Variants in PRIM2 observed in about 807,000 individuals in gnomAD.
PRIM2 encodes the protein DNA primase subunit 2.
PRIM2 carries 39 observed loss-of-function variants against 67.3 expected under a neutral mutation model. That is an observed-to-expected ratio of 0.58 (90% CI 0.45 to 0.76). The LOEUF (loss-of-function observed/expected upper bound fraction) is 0.76, where lower values mean the gene tolerates loss of function less well. Ranked by LOEUF, PRIM2 falls within the 30% of genes least tolerant of loss-of-function variation. PRIM2 has a pLI of 0.00. For synonymous variants in PRIM2, 143 were observed against 198.7 expected, an observed-to-expected ratio of 0.72 and a Z score of 2.36; for missense variants, 398 against 598.7, an observed-to-expected ratio of 0.66 and a Z score of 3.50.
At chr6:57,243,064 C>T in the PRIM2 span, among the ~76,000 whole-genome samples, 2 of 152,198 alleles carry the variant, frequency 1.3e-5, no homozygotes, top group South Asian at 2.1e-4. Flanking sequence ...TTAGAAGGTT[C>T]CTAATGTTCA....
the PRIM2 span, among the ~76,000 whole-genome samples, chr6:57,235,062 G>T: frequency 6.6e-6 from 1 of 151,600 alleles, no homozygotes; most frequent in Non-Finnish European, 1.5e-5. Context: ...GAGGTGGGAG[G>T]GTCACTTAAG....
At chr6:57,437,147 G>A (rs1772036890) in intron 7 of PRIM2, among the ~76,000 whole-genome samples, 1 of 152,136 alleles carries the variant, frequency 6.6e-6, no homozygotes, top group Non-Finnish European at 1.5e-5. Context: ...AAGGAGAGGG[G>A]CAGGCACTGG....
chr6:57,635,014 A>G (rs1777095538), intron 13 of PRIM2, among the ~76,000 whole-genome samples: 1 of 152,172 alleles, frequency 6.6e-6, no homozygotes, highest in Non-Finnish European at 1.5e-5. Flanking sequence ...TTTTACTGTC[A>G]GGTTTCTGCC....
At chr6:57,436,447 A>G (rs2127382291) in intron 7 of PRIM2, among the ~76,000 whole-genome samples, 1 of 152,320 alleles carries the variant, frequency 6.6e-6, no homozygotes, top group South Asian at 2.1e-4. Context: ...TGTCTTCAGA[A>G]AATGTGATTT....
the PRIM2 span, among the ~76,000 whole-genome samples, chr6:57,270,642 C>T: frequency 1.3e-4 from 20 of 152,172 alleles, no homozygotes; most frequent in Middle Eastern, 3.4e-3. Context: ...CTGATTGCCC[C>T]GGCCAGAACT....
At chr6:57,409,331 G>A (rs12203414) in intron 7 of PRIM2, among the ~76,000 whole-genome samples, 63,217 of 151,706 alleles carry the variant, frequency 0.42, 13,810 homozygotes, top group South Asian at 0.57. Flanking sequence ...GCCCACCACC[G>A]CACCGGCTAA....
At chr6:57,540,654 A>G (rs1775128887) in intron 10 of PRIM2, among the ~76,000 whole-genome samples, 1 of 152,222 alleles carries the variant, frequency 6.6e-6, no homozygotes, top group South Asian at 2.1e-4. Flanking sequence ...CATGAGATAT[A>G]CAGAAATCTA....
chr6:57,531,922 CAA>C (rs1774900287), intron 8 of PRIM2, among the ~76,000 whole-genome samples: 1 of 152,076 alleles, frequency 6.6e-6, no homozygotes, highest in Non-Finnish European at 1.5e-5. Context: ...GGCTCTTTAA[CAA>C]AAATTCTTAC....
intron 10 of PRIM2, among the ~76,000 whole-genome samples, chr6:57,585,026 A>G (rs1365262689): frequency 0.01 from 1,551 of 152,328 alleles, 27 homozygotes; most frequent in African/African-American, 0.034. Context: ...TTAATACACC[A>G]TAGGAGGTAA....
upstream of PRIM2, among the ~76,000 whole-genome samples, chr6:57,312,682 C>T (rs1485377788): frequency 1.3e-5 from 2 of 152,154 alleles, no homozygotes; most frequent in East Asian, 1.9e-4. Flanking sequence ...GCATTAACTA[C>T]GTTCACATTA....
chr6:57,277,786 C>T, the PRIM2 span, among the ~76,000 whole-genome samples: 1 of 151,752 alleles, frequency 6.6e-6, no homozygotes, highest in Non-Finnish European at 1.5e-5. Flanking sequence ...CGAGACCATC[C>T]TGGCTAACAT....
chr6:57,343,578 A>AGGTCAAGGAGAG (rs1768569579), intron 5 of PRIM2, among the ~76,000 whole-genome samples: 2 of 152,318 alleles, frequency 1.3e-5, no homozygotes, highest in African/African-American at 2.4e-5. Flanking sequence ...TGTGTTTGAT[A>AGGTCAAGGAGAG]AGCCTGGAAG....
rs527701060 is a variant in PRIM2 at position 57,443,812 on chromosome 6, G to C, written c.693+61644G>C. Among the ~76,000 whole-genome samples the C allele has an allele frequency of 2.6e-5, 4 of 151,862 alleles. No homozygotes were observed. In the East Asian group the frequency reaches 7.7e-4, roughly 29 times the overall value. ...TGCATTTGTTGCCTGTGCTTTTGGG[G>C]TCAAATTAAAAAAAAAAGTGATTGC... On this transcript the variant is annotated intron_variant, in intron 7 of 13. Coordinates refer to ENST00000615550, the MANE Select transcript of PRIM2 (RefSeq NM_000947.5).
chr6:57,515,475 C>T (rs1408470425), intron 8 of PRIM2, among the ~76,000 whole-genome samples: 7 of 152,184 alleles, frequency 4.6e-5, no homozygotes, highest in Admixed American at 4.6e-4. Flanking sequence ...TCTAAAAATG[C>T]CATCTTGCCC....
intron 7 of PRIM2, among the ~76,000 whole-genome samples, chr6:57,403,247 GA>G (rs1770771078): frequency 6.9e-6 from 1 of 145,442 alleles, no homozygotes; most frequent in African/African-American, 2.6e-5. Context: ...TTCAGGTGAA[GA>G]ATTTTTTTTT....
intron 7 of PRIM2, among the ~76,000 whole-genome samples, chr6:57,437,769 G>A (rs373489375): frequency 5.3e-5 from 8 of 149,912 alleles, no homozygotes; most frequent in African/African-American, 7.4e-5. Context: ...GGGCTCAAGC[G>A]TTCCTCCTAC....
chr6:57,366,402 T>C (rs1272407303), intron 5 of PRIM2, among the ~76,000 whole-genome samples: 1 of 151,988 alleles, frequency 6.6e-6, no homozygotes, highest in Admixed American at 6.6e-5. Flanking sequence ...AAAGAGCCTG[T>C]GTAGTGGGGA....
chr6:57,550,411 A>AG (rs1169448889), intron 10 of PRIM2, among the ~76,000 whole-genome samples: 2 of 151,936 alleles, frequency 1.3e-5, no homozygotes, highest in African/African-American at 4.8e-5. Context: ...TGAATTGTCA[A>AG]GAGGCTAGCT....
intron 7 of PRIM2, among the ~76,000 whole-genome samples, chr6:57,430,608 C>T (rs1195474838): frequency 1.3e-5 from 2 of 151,842 alleles, no homozygotes; most frequent in African/African-American, 4.8e-5. Context: ...TGCCCACCAC[C>T]ATGCCCAGCT....
Sources: allele counts gnomAD v4.1 joint callset (sites outside exome capture counted in the v4.1 genomes callset), GRCh38; gene constraint gnomAD v4.1.1; transcripts MANE v1.5; gene names NCBI Gene and HGNC (gene_info 2026-07-23, HGNC 2026-07-21).